The following CMYA5 variants were observed in gnomAD, a reference collection of about 807,000 sequenced individuals.
The protein encoded by CMYA5 is cardiomyopathy associated 5.
Under a neutral mutation model 318.9 loss-of-function variants are expected in CMYA5, and 246 were observed. The observed-to-expected ratio is 0.77, with a 90% CI of 0.70 to 0.86. The LOEUF (loss-of-function observed/expected upper bound fraction) is 0.86. Ranked by LOEUF, CMYA5 falls within the 40% of genes least tolerant of loss-of-function variation. The probability of loss-of-function intolerance (pLI) is 0.00; values close to 1 mark genes in which losing one functional copy is unlikely to be tolerated. For synonymous variants in CMYA5, 1,641 were observed against 1,729.5 expected, an observed-to-expected ratio of 0.95 and a Z score of 1.27; for missense variants, 4,589 against 4,678.2, an observed-to-expected ratio of 0.98 and a Z score of 0.56.
intron 1 of CMYA5, among the ~76,000 whole-genome samples, chr5:79,693,875 GAA>G: frequency 6.6e-6 from 1 of 152,182 alleles, no homozygotes; most frequent in East Asian, 1.9e-4. Context: ...CAAGTGGTAA[GAA>G]ATTATGAAGA....
chr5:79,768,261 A>C (rs1828790599), intron 9 of CMYA5, among the ~76,000 whole-genome samples: 1 of 152,148 alleles, frequency 6.6e-6, no homozygotes, highest in Admixed American at 6.5e-5. Flanking sequence ...CCAATGTGCC[A>C]GTCTGTGTCT....
chr5:79,798,063 G>A (rs1040333396), intron 12 of CMYA5, among the ~76,000 whole-genome samples: 2 of 152,022 alleles, frequency 1.3e-5, no homozygotes, highest in Non-Finnish European at 1.5e-5. Context: ...TCTCTCATTA[G>A]CAAGGCATTG....
At chr5:79,785,323 T>A (rs906583118) in intron 9 of CMYA5, among the ~76,000 whole-genome samples, 8 of 152,272 alleles carry the variant, frequency 5.3e-5, no homozygotes, top group Admixed American at 5.2e-4. Context: ...GCCTCCTCCA[T>A]CAGCCTGCTC....
At chr5:79,727,475 A>G (rs924444274) in intron 1 of CMYA5, among the ~76,000 whole-genome samples, 2 of 152,150 alleles carry the variant, frequency 1.3e-5, no homozygotes, top group Admixed American at 6.5e-5. Flanking sequence ...ATTTTTTTTC[A>G]ATTGTCTTAA....
Position 79,729,092 on chromosome 5 carries a change from G to A in CMYA5, c.327G>A (p.Arg109=), listed in dbSNP as rs16877111. Residue 109 remains arginine, a synonymous_variant, in exon 2 of 13, where the codon CGG becomes CGA. Coordinates refer to ENST00000446378, the MANE Select transcript of CMYA5 (RefSeq NM_153610.5). ...GTCAGACTTCTGGTGTGTGTAGTCG[G>A]GAAGGGTCAACTGTGAATTCTCCTC... ...EESQTSGVCS[R]EGSTVNSPPG... is the part of the protein sequence containing the mutation. 6.2e-7 allele frequency: 1 copy of A among 1,613,552 alleles called. No homozygotes were observed. Among genetic ancestry groups the A allele is most frequent in the South Asian group, 1.1e-5 (1 of 90,994 alleles).
At chr5:79,772,516 C>G (rs78088397) in intron 9 of CMYA5, among the ~76,000 whole-genome samples, 2,620 of 152,248 alleles carry the variant, frequency 0.017, 83 homozygotes, top group African/African-American at 0.059. Context: ...CTGAGTCTGA[C>G]AATAGATAAT....
At chr5:79,774,267 C>G (rs575848563) in intron 9 of CMYA5, 1 of 152,324 alleles carries the variant, frequency 6.6e-6, no homozygotes, top group African/African-American at 2.4e-5. Flanking sequence ...TCCCAGCAGT[C>G]GGCCCCTGTT....
intron 12 of CMYA5, among the ~76,000 whole-genome samples, chr5:79,797,754 G>A (rs1413604615): frequency 3.3e-5 from 5 of 152,100 alleles, no homozygotes; most frequent in African/African-American, 9.7e-5. Context: ...ACTTATCCAC[G>A]TAACATCCTA....
chr5:79,745,457 T>A lies in CMYA5; in HGVS notation c.10968+2T>A. Reference sequence around the variant, plus strand: ...CTTGATGAGGCCGTCTTCCTGACTGTAAGTGCCAAGTAAAATGGGCTCAAA... The same window carrying A: ...CTTGATGAGGCCGTCTTCCTGACTGAAAGTGCCAAGTAAAATGGGCTCAAA... On this transcript the variant is annotated splice_donor_variant, in intron 4 of 12. Coordinates refer to ENST00000446378, the MANE Select transcript of CMYA5 (RefSeq NM_153610.5). LOFTEE classifies it high-confidence loss of function. 1 of 1,610,294 alleles carries A rather than the reference T, an allele frequency of 6.2e-7. No homozygotes were observed. The highest frequency in any genetic ancestry group is 2.2e-5 in the East Asian group (1 of 44,858).
At chr5:79,710,139 G>A (rs1827361897) in intron 1 of CMYA5, among the ~76,000 whole-genome samples, 1 of 151,894 alleles carries the variant, frequency 6.6e-6, no homozygotes, top group Admixed American at 6.6e-5. Flanking sequence ...TGAGAATTCA[G>A]CTGTCTTCTG....
intron 10 of CMYA5, among the ~76,000 whole-genome samples, chr5:79,790,677 A>G (rs999070354): frequency 1.5e-4 from 23 of 152,346 alleles, no homozygotes; most frequent in African/African-American, 5.5e-4. Flanking sequence ...ATTTGTAACT[A>G]GTTTCCAGGT....
rs774422792 is a variant in CMYA5 at position 79,738,796 on chromosome 5, A to T, written c.10031A>T (p.Asp3344Val). Residue 3344 changes from aspartate (D) to valine (V), a missense_variant, in exon 2 of 13, where the codon GAC (aspartate) becomes GTC (valine). Physicochemically the swap from Asp to Val is radical, Grantham distance 152 (BLOSUM62 -3). This residue lies in a region of CMYA5 where 2,431 missense variants were observed against 2,495.1 expected (regional missense o/e 0.97). Coordinates refer to ENST00000446378, the MANE Select transcript of CMYA5 (RefSeq NM_153610.5). Reference protein sequence around the residue: ...QKISYAVPFEDTHHVLERADE... With the variant: ...QKISYAVPFEVTHHVLERADE... ...ATAAGTTATGCGGTTCCATTTGAAGACACCCATCATGTTCTGGAGCGTGCA... is the reference window on the plus strand; with the variant it reads ...ATAAGTTATGCGGTTCCATTTGAAGTCACCCATCATGTTCTGGAGCGTGCA... The T allele has an allele frequency of 5.0e-6, 8 of 1,613,926 alleles. No homozygotes were observed. The highest frequency in any genetic ancestry group is 5.1e-6 in the Non-Finnish European group (6 of 1,179,858).
intron 1 of CMYA5, among the ~76,000 whole-genome samples, chr5:79,706,091 G>A (rs528988121): frequency 2.6e-5 from 4 of 152,098 alleles, no homozygotes; most frequent in Non-Finnish European, 5.9e-5. Context: ...ATAGACACAC[G>A]CAAGATAATG....
intron 2 of CMYA5, among the ~76,000 whole-genome samples, chr5:79,742,544 C>G (rs1828237956): frequency 6.6e-6 from 1 of 152,136 alleles, no homozygotes; most frequent in African/African-American, 2.4e-5. Context: ...TGAGAATTTT[C>G]TAGCATCTTA....
intron 1 of CMYA5, among the ~76,000 whole-genome samples, chr5:79,705,079 G>T (rs1420605760): frequency 6.6e-6 from 1 of 151,536 alleles, no homozygotes; most frequent in Non-Finnish European, 1.5e-5. Context: ...GAGACCAGCC[G>T]GGCCTAGTAT....
At position 79,733,177 on chromosome 5, in the gene CMYA5, G is replaced by A. The variant is rs201306244; in HGVS notation, c.4412G>A (p.Gly1471Glu). The A allele has an allele frequency of 2.3e-4, 378 of 1,613,748 alleles. 4 individuals are homozygous for A. In the African/African-American group the frequency reaches 4.1e-3, roughly 18 times the overall value. ...GTAGAAGCCAAAGAAGTTAAAGCTG[G>A]GTTGCCAGTAATCAAAACATCATCT... Reference protein sequence around the residue: ...SEVEAKEVKAGLPVIKTSSSQ... With the variant: ...SEVEAKEVKAELPVIKTSSSQ... Residue 1471 changes from glycine (G) to glutamate (E), a missense_variant, in exon 2 of 13, where the codon GGG becomes GAG. Physicochemically the swap from Gly to Glu is moderately conservative, Grantham distance 98. This residue lies in a region of CMYA5 where 2,132 missense variants were observed against 2,131.3 expected (regional missense o/e 1.00). Transcript: ENST00000446378.
chr5:79,725,465 G>A (rs1580761566), intron 1 of CMYA5, among the ~76,000 whole-genome samples: 1 of 152,202 alleles, frequency 6.6e-6, no homozygotes, highest in Non-Finnish European at 1.5e-5. Context: ...GACTACAAAA[G>A]TGGGGAGGAG....
chr5:79,721,794 T>C (rs963237201), intron 1 of CMYA5, among the ~76,000 whole-genome samples: 1 of 152,200 alleles, frequency 6.6e-6, no homozygotes, highest in Non-Finnish European at 1.5e-5. Flanking sequence ...CTATTCTAAA[T>C]CTATTACCTA....
chr5:79,793,625 C>T lies in CMYA5; in HGVS notation c.11963+15C>T. 6.3e-7 allele frequency: 1 copy of T among 1,580,640 alleles called. No homozygotes were observed. Among genetic ancestry groups the T allele is most frequent in the Non-Finnish European group, 8.7e-7 (1 of 1,154,186 alleles). The stretch of plus-strand genomic sequence containing the variant: ...GAGCCACAGAGGTAAGCGAGCCCTT[C>T]CCCTCCCCTCTTCATCAAAATATTA... On this transcript the variant is annotated intron_variant, in intron 12 of 12. Coordinates refer to ENST00000446378, the MANE Select transcript of CMYA5 (RefSeq NM_153610.5).
Sources: gnomAD v4.1 joint callset for allele counts (sites outside exome capture counted in the v4.1 genomes callset) on GRCh38, gnomAD v4.1.1 for gene constraint, gnomAD v4.1.1 regional missense constraint, MANE v1.5 for transcripts, NCBI Gene and HGNC (gene_info 2026-07-23, HGNC 2026-07-21) for gene names.